STK3: variants seen among roughly 807,000 people sequenced by gnomAD.
STK3 encodes the protein serine/threonine kinase 3, also known as serine/threonine-protein kinase 3.
Under a neutral mutation model 58.0 loss-of-function variants are expected in STK3, and 41 were observed. The ratio of observed to expected loss-of-function variants is 0.71; its 90% CI spans 0.55 to 0.92. STK3 has a LOEUF of 0.92. Among genes scored for constraint, STK3 ranks in the 40% least tolerant of loss-of-function variants. STK3 has a pLI of 0.00. For synonymous variants in STK3, 170 were observed against 191.0 expected (o/e 0.89, Z 0.91); for missense variants, 479 against 602.7 (o/e 0.79, Z 2.15).
At chr8:98,929,744 C>T (rs1166765107) in intron 1 of STK3, among the ~76,000 whole-genome samples, 1 of 152,094 alleles carries the variant, frequency 6.6e-6, no homozygotes, top group African/African-American at 2.4e-5. Context: ...TAATTATATC[C>T]CTATTTTTTA....
At chr8:98,372,234 TC>T (rs1282991065) in intron 2 of STK3, among the ~76,000 whole-genome samples, 1 of 152,210 alleles carries the variant, frequency 6.6e-6, no homozygotes, top group African/African-American at 2.4e-5. Context: ...ACTTTTAGCC[TC>T]CAGAACTGTG....
At chr8:98,618,215 C>T (rs1021684152) in intron 6 of STK3, among the ~76,000 whole-genome samples, 6 of 151,496 alleles carry the variant, frequency 4.0e-5, no homozygotes, top group Admixed American at 3.9e-4. Context: ...ACAAAAACCA[C>T]ATGATTATCT....
At chr8:98,436,165 G>A (rs936746229) in intron 2 of STK3, among the ~76,000 whole-genome samples, 3 of 152,112 alleles carry the variant, frequency 2.0e-5, no homozygotes, top group African/African-American at 4.8e-5. Flanking sequence ...TTGAGGCGCT[G>A]TGTGCTGCAG....
intron 1 of STK3, among the ~76,000 whole-genome samples, chr8:98,884,703 A>C (rs1732384143): frequency 6.6e-6 from 1 of 152,174 alleles, no homozygotes; most frequent in South Asian, 2.1e-4. Context: ...CCTGTATAGA[A>C]TGTATCCCAG....
intron 7 of STK3, among the ~76,000 whole-genome samples, chr8:98,588,792 C>G (rs1814936419): frequency 6.6e-6 from 1 of 151,982 alleles, no homozygotes; most frequent in African/African-American, 2.4e-5. Flanking sequence ...AGGCTTTGCT[C>G]ATTTCCTTTT....
intron 1 of STK3, among the ~76,000 whole-genome samples, chr8:98,932,496 C>T (rs1398023641): frequency 4.6e-5 from 7 of 152,154 alleles, no homozygotes; most frequent in African/African-American, 1.7e-4. Context: ...CTTTCAAAAA[C>T]ATTTGGATAG....
intron 4 of STK3, among the ~76,000 whole-genome samples, chr8:98,724,060 T>C (rs1447745319): frequency 2.0e-5 from 3 of 152,174 alleles, no homozygotes; most frequent in Non-Finnish European, 4.4e-5. Flanking sequence ...GAAAGTCTGT[T>C]ACATGATCAC....
chr8:98,787,167 CAAAAAAAAAA>C (rs35568354), intron 1 of STK3, among the ~76,000 whole-genome samples: 8 of 22,674 alleles, frequency 3.5e-4, no homozygotes, highest in African/African-American at 1.5e-3. Context: ...GACTCCACCT[CAAAAAAAAAA>C]AAAAAAAAAA....
chr8:98,753,921 CA>C (rs1347456807), intron 3 of STK3, among the ~76,000 whole-genome samples: 1 of 152,154 alleles, frequency 6.6e-6, no homozygotes, highest in East Asian at 1.9e-4. Flanking sequence ...ATACAGTTGA[CA>C]AGGTACCTTA....
chr8:98,814,534 T>C (rs1216919427), intron 1 of STK3, among the ~76,000 whole-genome samples: 1 of 151,506 alleles, frequency 6.6e-6, no homozygotes, highest in Non-Finnish European at 1.5e-5. Flanking sequence ...AGAGACAGGG[T>C]CTCACCAGGT....
intron 6 of STK3, among the ~76,000 whole-genome samples, chr8:98,621,881 G>A (rs1297598323): frequency 6.6e-6 from 1 of 151,570 alleles, no homozygotes; most frequent in Non-Finnish European, 1.5e-5. Flanking sequence ...ACAGATTGTG[G>A]ACACATGAGA....
intron 8 of STK3, among the ~76,000 whole-genome samples, chr8:98,560,460 G>GA (rs1283183727): frequency 1.3e-5 from 2 of 151,292 alleles, no homozygotes; most frequent in African/African-American, 4.9e-5. Context: ...AATTTCAACA[G>GA]AAAAAAAACC....
intron 1 of STK3, among the ~76,000 whole-genome samples, chr8:98,776,354 G>GA (rs1749379232): frequency 6.6e-6 from 1 of 152,148 alleles, no homozygotes. Context: ...AGGGAAGCTG[G>GA]ACTGGATGAT....
intron 10 of STK3, among the ~76,000 whole-genome samples, chr8:98,465,438 A>T (rs4995528): frequency 2.0e-5 from 3 of 151,880 alleles, no homozygotes; most frequent in African/African-American, 4.8e-5. Context: ...AAAAATCCCA[A>T]CTTTCCTGTC....
At chr8:98,663,126 T>C (rs1418062654) in intron 6 of STK3, among the ~76,000 whole-genome samples, 2 of 152,006 alleles carry the variant, frequency 1.3e-5, no homozygotes, top group African/African-American at 2.4e-5. Context: ...TGCAATCTAC[T>C]CATCTGACAA....
chr8:98,686,295 A>G (rs2130922184), intron 6 of STK3, among the ~76,000 whole-genome samples: 1 of 152,300 alleles, frequency 6.6e-6, no homozygotes, highest in Non-Finnish European at 1.5e-5. Context: ...CTCTGACACA[A>G]AACAACCAAT....
At chr8:98,865,507 C>T (rs1198063787) in intron 3 of STK3, among the ~76,000 whole-genome samples, 1 of 152,122 alleles carries the variant, frequency 6.6e-6, no homozygotes. Context: ...GCTAGAACTA[C>T]AGGTGTTCAC....
In STK3 at chr8:98,800,756, G is replaced by A. The variant is rs906677895; in HGVS notation, c.26+24759C>T. 6.6e-5 allele frequency among the ~76,000 whole-genome samples: 10 copies of A among 152,308 alleles called. No individual in the cohort carries two copies. Among genetic ancestry groups the A allele is most frequent in the East Asian group, 5.8e-4 (3 of 5,172 alleles). ...GGCCAGCAGCTGCGGAAGGGGCACC[G>A]GGTACCCCAGCACTGCCGGCCCTCC... On this transcript the variant is annotated intron_variant, in intron 1 of 10. Transcript: ENST00000419617. This position sits in a 1 kb window ranked among gnomAD's most constrained non-coding sequence, Gnocchi z 4.8.
chr8:98,640,774 A>G (rs973711090), intron 6 of STK3, among the ~76,000 whole-genome samples: 2 of 151,644 alleles, frequency 1.3e-5, no homozygotes, highest in African/African-American at 2.4e-5. Context: ...ATATTATCAC[A>G]TTTTACAATT....
Sources: allele counts gnomAD v4.1 joint callset (sites outside exome capture counted in the v4.1 genomes callset), GRCh38; gene constraint gnomAD v4.1.1; non-coding constraint Gnocchi (gnomAD v3.1); transcripts MANE v1.5; gene names NCBI Gene and HGNC (gene_info 2026-07-23, HGNC 2026-07-21).